The following KIF4A variants were observed in gnomAD, a reference collection of about 807,000 sequenced individuals.
KIF4A encodes chromosome-associated kinesin KIF4A.
In KIF4A, 7 loss-of-function variants were observed where a neutral mutation model predicts 105.9. The observed-to-expected ratio is 0.07, with a 90% confidence interval of 0.04 to 0.12. The LOEUF is 0.12. Ranked by LOEUF, KIF4A falls within the 10% of genes least tolerant of loss-of-function variation. KIF4A has a pLI of 1.00. For missense variants in KIF4A, 558 were observed against 929.2 expected (o/e 0.60, Z 5.19); for synonymous variants, 281 against 331.3 (o/e 0.85, Z 1.65).
intron 7 of KIF4A, among the ~76,000 whole-genome samples, chrX:70,306,922 T>G (rs1024867986): frequency 9.2e-6 from 1 of 109,019 alleles, no homozygotes; most frequent in South Asian, 4.0e-4. Flanking sequence ...CCTCCCAGGC[T>G]CAAGCAATCT....
intron 7 of KIF4A, among the ~76,000 whole-genome samples, chrX:70,306,523 T>C (rs1186264040): frequency 2.7e-5 from 3 of 111,987 alleles, no homozygotes; most frequent in Non-Finnish European, 3.8e-5. Flanking sequence ...TTTTTCAAAT[T>C]TTTTATTTTT....
chrX:70,324,736 AT>A (rs1344807517), intron 7 of KIF4A, among the ~76,000 whole-genome samples: 4 of 111,732 alleles, frequency 3.6e-5, no homozygotes, highest in Admixed American at 1.9e-4. Context: ...TTAAACACCA[AT>A]TTTTTACTCC....
At chrX:70,304,291 A>G (rs2147661756) in intron 7 of KIF4A, among the ~76,000 whole-genome samples, 1 of 103,267 alleles carries the variant, frequency 9.7e-6, no homozygotes, top group East Asian at 3.1e-4. Context: ...ATGGCTGCAT[A>G]GTATTCCATG....
intron 20 of KIF4A, among the ~76,000 whole-genome samples, chrX:70,389,506 T>C (rs1175056017): frequency 8.9e-6 from 1 of 112,596 alleles, no homozygotes; most frequent in African/African-American, 3.2e-5. Flanking sequence ...AGGCAGAGGT[T>C]GCAGTGAGCC....
intron 7 of KIF4A, among the ~76,000 whole-genome samples, chrX:70,313,149 C>T (rs1323258493): frequency 9.0e-6 from 1 of 111,103 alleles, no homozygotes; most frequent in Non-Finnish European, 1.9e-5. Flanking sequence ...GTCCATTTCT[C>T]CTTGTATTTC....
chrX:70,309,965 C>A (rs1276013331), intron 7 of KIF4A, among the ~76,000 whole-genome samples: 1 of 112,189 alleles, frequency 8.9e-6, no homozygotes, highest in African/African-American at 3.2e-5. Flanking sequence ...TTTGCTTGAA[C>A]CTGCAAGGTG....
intron 7 of KIF4A, among the ~76,000 whole-genome samples, chrX:70,327,135 A>G (rs1407086257): frequency 8.9e-6 from 1 of 111,905 alleles, no homozygotes; most frequent in Non-Finnish European, 1.9e-5. Context: ...ACAGGAATGG[A>G]CTAACATAGG....
chrX:70,384,157 A>G, intron 18 of KIF4A, among the ~76,000 whole-genome samples: 1 of 112,366 alleles, frequency 8.9e-6, no homozygotes. Context: ...CACATTGACA[A>G]GGATCTTTGT....
chrX:70,325,694 G>T (rs754856261), intron 7 of KIF4A, among the ~76,000 whole-genome samples: 3 of 109,979 alleles, frequency 2.7e-5, no homozygotes, highest in Non-Finnish European at 5.7e-5. Flanking sequence ...CCTGAGGAGT[G>T]TATACTGTAC....
At chrX:70,345,459 A>C (rs1414198067) in intron 13 of KIF4A, among the ~76,000 whole-genome samples, 1 of 103,748 alleles carries the variant, frequency 9.6e-6, no homozygotes, top group Non-Finnish European at 2.0e-5. Flanking sequence ...GCGAGACTTC[A>C]TCTCAAAAAA....
Position 70,368,899 on chromosome X carries a change from A to G in KIF4A, c.1675-5252A>G, listed in dbSNP as rs374689400. Among the ~76,000 whole-genome samples, 37 of 111,785 alleles carry G rather than the reference A, an allele frequency of 3.3e-4. No homozygotes were observed. In the East Asian group the frequency reaches 5.4e-3, roughly 16 times the overall value. On this transcript the variant is annotated intron_variant, in intron 15 of 30. Transcript: ENST00000374403. The stretch of plus-strand genomic sequence containing the variant: ...CCTTGAGCTGCGGTGGGCTCCACCC[A>G]GTTCGAGCTTCCCAGCCTCTTTGTT...
At chrX:70,369,630 GTAGCAGAATATTTCATT>G (rs1397534427) in intron 15 of KIF4A, among the ~76,000 whole-genome samples, 3 of 111,601 alleles carry the variant, frequency 2.7e-5, no homozygotes, top group Non-Finnish European at 5.6e-5. Context: ...CAGAAATCAT[GTAGCAGAATATTTCATT>G]ATGGAAAAAA....
At chrX:70,413,692 A>G (rs1311294754) in intron 28 of KIF4A, among the ~76,000 whole-genome samples, 2 of 106,896 alleles carry the variant, frequency 1.9e-5, no homozygotes, top group Non-Finnish European at 3.9e-5. Flanking sequence ...TGTAATCCCA[A>G]CACTTTGGGA....
At chrX:70,372,908 A>G (rs1040307444) in intron 15 of KIF4A, among the ~76,000 whole-genome samples, 1 of 112,605 alleles carries the variant, frequency 8.9e-6, no homozygotes, top group African/African-American at 3.2e-5. Context: ...GGAGTCCCCA[A>G]GAGCTCCCCT....
chrX:70,337,667 C>G (rs745482255), intron 10 of KIF4A, among the ~76,000 whole-genome samples: 48 of 111,336 alleles, frequency 4.3e-4, no homozygotes, highest in African/African-American at 1.6e-3. Flanking sequence ...GAGACCCTGT[C>G]TCAAAACAAA....
intron 22 of KIF4A, 147 bp downstream of exon 22, chrX:70,396,196 A>G: frequency 2.4e-6 from 1 of 416,204 alleles, no homozygotes; most frequent in Non-Finnish European, 4.1e-6. Context: ...TGTACTAGGT[A>G]TCTTAGATAC....
chrX:70,371,550 G>A (rs1314754174), intron 15 of KIF4A, among the ~76,000 whole-genome samples: 3 of 110,024 alleles, frequency 2.7e-5, no homozygotes, highest in Admixed American at 1.9e-4. Flanking sequence ...CAGTAGGGGC[G>A]GCCGGGCAGA....
chrX:70,390,763 T>C (rs964745075), intron 20 of KIF4A, among the ~76,000 whole-genome samples: 15 of 111,795 alleles, frequency 1.3e-4, no homozygotes, highest in Non-Finnish European at 2.8e-4. Context: ...CTCCCCTATA[T>C]CTCTTACAGC....
chrX:70,296,332 G>A (rs941912247), intron 3 of KIF4A, among the ~76,000 whole-genome samples: 64 of 111,226 alleles, frequency 5.8e-4, no homozygotes, highest in African/African-American at 2.0e-3. Flanking sequence ...CAATCTGCCT[G>A]CCTCGGCTTC....
Sources: allele counts gnomAD v4.1 joint callset (sites outside exome capture counted in the v4.1 genomes callset), GRCh38; gene constraint gnomAD v4.1.1; transcripts MANE v1.5; gene names NCBI Gene and HGNC (gene_info 2026-07-23, HGNC 2026-07-21).